Variants in PLEKHA7 observed in about 807,000 individuals in gnomAD.
The protein encoded by PLEKHA7 is pleckstrin homology domain-containing family A member 7.
A neutral mutation model predicts 170.0 loss-of-function variants in PLEKHA7; 104 were observed. That is an observed-to-expected ratio of 0.61 (90% CI 0.52 to 0.72). PLEKHA7 has a LOEUF of 0.72. Among genes scored for constraint, PLEKHA7 ranks in the 30% least tolerant of loss-of-function variants. The probability of loss-of-function intolerance (pLI) is 0.00; values close to 1 mark genes in which losing one functional copy is unlikely to be tolerated. For synonymous variants in PLEKHA7, 648 were observed against 660.8 expected, an observed-to-expected ratio of 0.98 and a Z score of 0.30; for missense variants, 1,615 against 1,671.7, an observed-to-expected ratio of 0.97 and a Z score of 0.59.
chr11:16,962,862 A>T (rs1862150081), intron 3 of PLEKHA7, among the ~76,000 whole-genome samples: 1 of 152,212 alleles, frequency 6.6e-6, no homozygotes, highest in South Asian at 2.1e-4. Flanking sequence ...CAACAACAAC[A>T]AAAAGAAAAT....
chr11:16,836,063 C>G (rs867644120), intron 9 of PLEKHA7, among the ~76,000 whole-genome samples: 1 of 152,156 alleles, frequency 6.6e-6, no homozygotes, highest in South Asian at 2.1e-4. Flanking sequence ...GGAAGATGGT[C>G]GGGGACATAA....
At chr11:17,000,662 C>T (rs546760479) in intron 3 of PLEKHA7, among the ~76,000 whole-genome samples, 1 of 152,284 alleles carries the variant, frequency 6.6e-6, no homozygotes, top group East Asian at 1.9e-4. Flanking sequence ...GTGATAATGG[C>T]TAATTCCTAT....
At chr11:16,929,493 C>G (rs1306087025) in intron 3 of PLEKHA7, among the ~76,000 whole-genome samples, 1 of 152,222 alleles carries the variant, frequency 6.6e-6, no homozygotes, top group African/African-American at 2.4e-5. Flanking sequence ...TTTCTCACAC[C>G]TGGTGTGCCA....
chr11:16,855,097 T>C (rs1853326307), intron 5 of PLEKHA7, 104 bp from the exon 6 acceptor site: 6 of 861,872 alleles, frequency 7.0e-6, no homozygotes, highest in African/African-American at 1.7e-5. Context: ...TCACTCTAAA[T>C]GGCAGCACCC....
At chr11:16,915,859 G>A (rs866354363) in intron 3 of PLEKHA7, among the ~76,000 whole-genome samples, 4 of 149,650 alleles carry the variant, frequency 2.7e-5, no homozygotes, top group Non-Finnish European at 5.9e-5. Flanking sequence ...ATGATTTATA[G>A]TCCTTTGGGT....
chr11:16,960,949 C>T (rs1257578900), intron 3 of PLEKHA7, among the ~76,000 whole-genome samples: 4 of 152,138 alleles, frequency 2.6e-5, no homozygotes, highest in Non-Finnish European at 5.9e-5. Context: ...CTTCCAGCTT[C>T]GTTTCACCAC....
intron 9 of PLEKHA7, among the ~76,000 whole-genome samples, chr11:16,830,136 G>A (rs1460880142): frequency 6.6e-6 from 1 of 150,390 alleles, no homozygotes; most frequent in Non-Finnish European, 1.5e-5. Flanking sequence ...CTGCCACCAT[G>A]TCTGGCTAAT....
At chr11:17,006,576 G>A (rs1348582521) in intron 3 of PLEKHA7, among the ~76,000 whole-genome samples, 4 of 148,244 alleles carry the variant, frequency 2.7e-5, no homozygotes, top group African/African-American at 5.0e-5. Flanking sequence ...GCAGTGAGCC[G>A]AGATGCCGCC....
At chr11:16,918,087 C>T (rs911837377) in intron 3 of PLEKHA7, among the ~76,000 whole-genome samples, 5 of 152,204 alleles carry the variant, frequency 3.3e-5, no homozygotes, top group African/African-American at 1.2e-4. Flanking sequence ...TCTCTGAACT[C>T]TGAAAGTATG....
intron 4 of PLEKHA7, among the ~76,000 whole-genome samples, chr11:16,857,712 G>C (rs1338063999): frequency 6.6e-6 from 1 of 151,864 alleles, no homozygotes; most frequent in Non-Finnish European, 1.5e-5. Flanking sequence ...GTTTGAATTT[G>C]TTTGTTTGTT....
At chr11:16,948,994 T>G (rs1861233760) in intron 3 of PLEKHA7, among the ~76,000 whole-genome samples, 1 of 152,164 alleles carries the variant, frequency 6.6e-6, no homozygotes. Context: ...GAATCTTTCT[T>G]CTGCTTCCCC....
In PLEKHA7 at chr11:16,805,689, T is replaced by C. The variant is rs540761176; in HGVS notation, c.2008-2394A>G. ...CCTGTAGTCCCAGCTACTCGGGAGGTTGAGGCAGGAGAATCTCTTGAACCT... is the reference window on the plus strand; with the variant it reads ...CCTGTAGTCCCAGCTACTCGGGAGGCTGAGGCAGGAGAATCTCTTGAACCT... On this transcript the variant is annotated intron_variant, in intron 13 of 26. Coordinates refer to ENST00000531066, the MANE Select transcript of PLEKHA7 (RefSeq NM_001329630.2). Among the ~76,000 whole-genome samples the C allele has an allele frequency of 7.3e-5, 11 of 150,304 alleles. No individual in the cohort carries two copies. In the South Asian group the frequency reaches 2.3e-3, roughly 31 times the overall value.
intron 3 of PLEKHA7, among the ~76,000 whole-genome samples, chr11:16,958,418 A>G (rs1166261909): frequency 6.6e-6 from 1 of 152,246 alleles, no homozygotes; most frequent in Admixed American, 6.5e-5. Context: ...AGAAAAAAGA[A>G]TATCTGTGTA....
chr11:16,993,141 C>G (rs1864145116), intron 3 of PLEKHA7, among the ~76,000 whole-genome samples: 1 of 152,146 alleles, frequency 6.6e-6, no homozygotes, highest in South Asian at 2.1e-4. Flanking sequence ...ACCAAGAAAC[C>G]CTTTCTATGC....
chr11:16,819,802 G>A (rs1375508233), intron 10 of PLEKHA7, among the ~76,000 whole-genome samples: 1 of 152,244 alleles, frequency 6.6e-6, no homozygotes, highest in Non-Finnish European at 1.5e-5. Context: ...TTGGGAGGGA[G>A]AGGAGAGATG....
intron 3 of PLEKHA7, among the ~76,000 whole-genome samples, chr11:16,874,076 G>A (rs549266359): frequency 1.6e-4 from 24 of 152,250 alleles, no homozygotes; most frequent in African/African-American, 5.8e-4. Context: ...TGCTCATAAC[G>A]GAAATAACCA....
chr11:16,790,725 C>G, intron 21 of PLEKHA7, 73 bp downstream of exon 21: 4 of 1,457,884 alleles, frequency 2.7e-6, no homozygotes, highest in Non-Finnish European at 2.8e-6. Context: ...CAGAAGGGTA[C>G]GAGGCACCAG....
intron 4 of PLEKHA7, among the ~76,000 whole-genome samples, chr11:16,862,610 G>A (rs183696683): frequency 6.6e-6 from 1 of 152,276 alleles, no homozygotes; most frequent in East Asian, 1.9e-4. Context: ...CAGCATTTTT[G>A]CCCAGCACAG....
In PLEKHA7 at chr11:16,778,731, T is replaced by C. The variant is rs1443096191; in HGVS notation, c.*267A>G. On this transcript the variant is annotated 3_prime_UTR_variant, in exon 27 of 27. Transcript: ENST00000531066. Reference sequence around the variant, plus strand: ...AGCCCTTGAGGGGAACATTAGAAAATAGATTCCGATTCTAAAATACAGTGT... The same window carrying C: ...AGCCCTTGAGGGGAACATTAGAAAACAGATTCCGATTCTAAAATACAGTGT... 11 of 530,670 alleles carry C rather than the reference T, an allele frequency of 2.1e-5. No homozygotes were observed. Among genetic ancestry groups the C allele is most frequent in the East Asian group, 1.5e-4 (5 of 32,346 alleles). 32.9% of individuals were successfully genotyped at this position (530,670 alleles called of 1,614,324 possible).
Sources: gnomAD v4.1 joint callset for allele counts (sites outside exome capture counted in the v4.1 genomes callset) on GRCh38, gnomAD v4.1.1 for gene constraint, MANE v1.5 for transcripts, NCBI Gene and HGNC (gene_info 2026-07-23, HGNC 2026-07-21) for gene names.